Variants in CWF19L2 observed in about 807,000 individuals in gnomAD.
The protein encoded by CWF19L2 is CWF19 like cell cycle control factor 2.
CWF19L2 carries 98 observed loss-of-function variants against 111.7 expected under a neutral mutation model. That is an observed-to-expected ratio of 0.88 (90% CI 0.75 to 1.04). The LOEUF (loss-of-function observed/expected upper bound fraction) is 1.04, where lower values mean the gene tolerates loss of function less well. CWF19L2 is among the 50% of genes least tolerant of loss of function. CWF19L2 has a pLI of 0.00. For missense variants in CWF19L2, 1,101 were observed against 1,051.4 expected (o/e 1.05, Z -0.65); for synonymous variants, 351 against 342.9 (o/e 1.02, Z -0.26).
At chr11:107,442,062 G>A (rs1319234921) in intron 4 of CWF19L2, among the ~76,000 whole-genome samples, 4 of 151,872 alleles carry the variant, frequency 2.6e-5, no homozygotes, top group African/African-American at 4.8e-5. Flanking sequence ...TGAGGTGAAG[G>A]GAAAAAAAAC....
At chr11:107,446,580 C>T (rs188528788) in intron 3 of CWF19L2, among the ~76,000 whole-genome samples, 5 of 152,268 alleles carry the variant, frequency 3.3e-5, no homozygotes, top group East Asian at 3.9e-4. Context: ...AAATCTACTA[C>T]AAAATCATAT....
intron 14 of CWF19L2, among the ~76,000 whole-genome samples, chr11:107,343,732 T>C (rs1011336397): frequency 6.6e-6 from 1 of 152,168 alleles, no homozygotes; most frequent in Non-Finnish European, 1.5e-5. Context: ...TCAATTTGTA[T>C]AGTTTTTAAA....
At chr11:107,382,387 T>C (rs775125270) in intron 12 of CWF19L2, among the ~76,000 whole-genome samples, 6 of 152,198 alleles carry the variant, frequency 3.9e-5, no homozygotes, top group Non-Finnish European at 5.9e-5. Context: ...TCATTAGCTG[T>C]GGGGACTAGG....
intron 7 of CWF19L2, among the ~76,000 whole-genome samples, chr11:107,430,629 T>TG (rs1476713288): frequency 6.6e-6 from 1 of 152,150 alleles, no homozygotes; most frequent in Non-Finnish European, 1.5e-5. Context: ...TCTAAATAAC[T>TG]GTTCTTGTAG....
At chr11:107,332,238 T>C (rs994557529) in intron 16 of CWF19L2, among the ~76,000 whole-genome samples, 3 of 152,208 alleles carry the variant, frequency 2.0e-5, no homozygotes, top group South Asian at 2.1e-4. Flanking sequence ...TAAAATACCA[T>C]TTTTTAAAGT....
In CWF19L2 at chr11:107,387,467, C is replaced by CAAAAAAAAAAACAAAAAA. The variant is rs996753060; in HGVS notation, c.1872+2606_1872+2607insTTTTTTGTTTTTTTTTTT. On this transcript the variant is annotated intron_variant, in intron 12 of 17. Transcript: ENST00000282251. Reference sequence around the variant, plus strand: ...AAAAACAAAACAAAACAAAACAAAACAAAAAACAAAAAAAACCTTCAAATG... The same window carrying CAAAAAAAAAAACAAAAAA: ...AAAAACAAAACAAAACAAAACAAAACAAAAAAAAAAACAAAAAAAAAAAACAAAAAAAACCTTCAAATG... Among the ~76,000 whole-genome samples, 7 of 129,282 alleles carry CAAAAAAAAAAACAAAAAA rather than the reference C, an allele frequency of 5.4e-5. No homozygotes were observed. In the South Asian group the frequency reaches 1.4e-3, roughly 27 times the overall value. 84.8% of individuals were successfully genotyped at this position (129,282 alleles called of 152,430 possible).
chr11:107,442,793 AGGGAGGGAGGGAG>A lies in CWF19L2; in HGVS notation c.450+133_450+145del, dbSNP rs1427799852. ...AAGGAAGGAAGGAAGGAAGGAAGGA[AGGGAGGGAGGGAG>A]GGAGGGAGGGAGGGGGAGGGAGGGA... On this transcript the variant is annotated intron_variant, in intron 4 of 17. Coordinates refer to ENST00000282251, the MANE Select transcript of CWF19L2 (RefSeq NM_152434.3). 263 of 249,510 alleles carry A rather than the reference AGGGAGGGAGGGAG, an allele frequency of 1.1e-3. 7 individuals carry two copies. The African/African-American group carries it at 0.017, about 16-fold the overall frequency. The allele number at this position is 249,510 out of a possible 1,614,324, so 15.5% of individuals were successfully genotyped here.
At position 107,326,951 on chromosome 11, in the gene CWF19L2, A is replaced by C; in HGVS notation, c.2644T>G (p.Trp882Gly). The change falls in exon 18 of 18, where the codon TGG becomes GGG. Residue 882 changes from tryptophan to glycine, a missense_variant. By Grantham distance (184) the Trp-to-Gly change is radical. Transcript: ENST00000282251. ...TTGGTGAAGTCATATGGTTTCCACCACTGAGCAAACTGCAGTGCTTTTTTC... is the reference window on the plus strand; with the variant it reads ...TTGGTGAAGTCATATGGTTTCCACCCCTGAGCAAACTGCAGTGCTTTTTTC... ...QRKKALQFAQ[W>G]WKPYDFTKSK... The C allele has an allele frequency of 6.2e-7, 1 of 1,611,740 alleles. No individual in the cohort carries two copies. Among genetic ancestry groups the C allele is most frequent in the East Asian group, 2.2e-5 (1 of 44,718 alleles).
At chr11:107,402,898 T>TATATATATATATATATATATATATAG (rs1861026946) in intron 10 of CWF19L2, among the ~76,000 whole-genome samples, 1 of 131,846 alleles carries the variant, frequency 7.6e-6, no homozygotes, top group Non-Finnish European at 1.6e-5. Context: ...TATATATATA[T>TATATATATATATATATATATATATAG]ATATAATGGA....
At chr11:107,337,356 A>T (rs1172465517) in intron 14 of CWF19L2, among the ~76,000 whole-genome samples, 1 of 148,002 alleles carries the variant, frequency 6.8e-6, no homozygotes, top group South Asian at 2.2e-4. Context: ...TCAGTTGTGG[A>T]GGTGTGTGTT....
chr11:107,355,906 C>T (rs1418481238), intron 12 of CWF19L2, among the ~76,000 whole-genome samples: 2 of 152,098 alleles, frequency 1.3e-5, no homozygotes, highest in African/African-American at 4.8e-5. Flanking sequence ...AATAGAAATT[C>T]CACCCAACAG....
intron 10 of CWF19L2, among the ~76,000 whole-genome samples, chr11:107,408,019 A>G (rs1232972421): frequency 6.6e-6 from 1 of 151,978 alleles, no homozygotes; most frequent in Non-Finnish European, 1.5e-5. Flanking sequence ...TAGTAGTCAT[A>G]AATAGAATAG....
intron 3 of CWF19L2, among the ~76,000 whole-genome samples, chr11:107,453,487 A>C (rs902702322): frequency 3.9e-5 from 6 of 152,064 alleles, no homozygotes; most frequent in Non-Finnish European, 7.4e-5. Context: ...GCTCAGCCAT[A>C]GCTGGTAACC....
intron 10 of CWF19L2, chr11:107,403,514 AC>A: frequency 2.4e-6 from 2 of 829,398 alleles, no homozygotes; most frequent in Non-Finnish European, 4.3e-6. Context: ...CATACTGTCA[AC>A]CCCCTCCTGC....
chr11:107,424,702 C>T (rs1861350371), intron 8 of CWF19L2, among the ~76,000 whole-genome samples: 1 of 151,790 alleles, frequency 6.6e-6, no homozygotes, highest in Admixed American at 6.6e-5. Flanking sequence ...GAATGCTCCA[C>T]ACAATTTTTT....
chr11:107,444,654 T>C (rs1408752372), intron 3 of CWF19L2, among the ~76,000 whole-genome samples: 1 of 152,192 alleles, frequency 6.6e-6, no homozygotes, highest in Non-Finnish European at 1.5e-5. Flanking sequence ...TGACTAATTG[T>C]CTACTGCAGT....
At position 107,343,842 on chromosome 11, in the gene CWF19L2, C is replaced by T. The variant is rs566999702; in HGVS notation, c.2202+5095G>A. On this transcript the variant is annotated intron_variant, in intron 14 of 17. Coordinates refer to ENST00000282251, the MANE Select transcript of CWF19L2 (RefSeq NM_152434.3). ...TACCAATGCAAATAAAATAGAGACC[C>T]CTTACTTCCCTTTATGTCCATTTAC... Among the ~76,000 whole-genome samples the T allele has an allele frequency of 3.3e-5, 5 of 152,152 alleles. No homozygotes were observed. The East Asian group carries it at 9.7e-4, about 29-fold the overall frequency.
intron 3 of CWF19L2, among the ~76,000 whole-genome samples, chr11:107,448,803 C>A (rs893566150): frequency 2.6e-5 from 4 of 152,160 alleles, no homozygotes; most frequent in Non-Finnish European, 4.4e-5. Flanking sequence ...CTCTGAGGAA[C>A]TGAACCCTCA....
In CWF19L2 at chr11:107,380,046, C is replaced by CAAAAAAAAAAAAA. The variant is rs66699460; in HGVS notation, c.1872+10015_1872+10027dup. 5.8e-4 allele frequency among the ~76,000 whole-genome samples: 20 copies of CAAAAAAAAAAAAA among 34,482 alleles called. 2 individuals carry two copies. The highest frequency in any genetic ancestry group is 1.1e-3 in the East Asian group (1 of 908). 22.6% of individuals were successfully genotyped at this position (34,482 alleles called of 152,430 possible). A position where few individuals can be genotyped will look rare whatever the true frequency, so the allele number is the denominator to read the frequency against. ...TGGGCGACAGAGCGAGACACCGTCT[C>CAAAAAAAAAAAAA]AAAAAAAAAAAAAAAAAAAAAAAAA... On this transcript the variant is annotated intron_variant, in intron 12 of 17. Transcript: ENST00000282251.
Sources: gnomAD v4.1 joint callset for allele counts (sites outside exome capture counted in the v4.1 genomes callset) on GRCh38, gnomAD v4.1.1 for gene constraint, MANE v1.5 for transcripts, NCBI Gene and HGNC (gene_info 2026-07-23, HGNC 2026-07-21) for gene names.